INPP4A: variants seen among roughly 807,000 people sequenced by gnomAD.
INPP4A encodes the protein inositol polyphosphate-4-phosphatase, type I, 107kD.
In INPP4A, 33 loss-of-function variants were observed where a neutral mutation model predicts 119.8. The ratio of observed to expected loss-of-function variants is 0.28; its 90% confidence interval spans 0.21 to 0.37. The LOEUF (loss-of-function observed/expected upper bound fraction) is 0.37. Among genes scored for constraint, INPP4A ranks in the 10% least tolerant of loss-of-function variants. The probability of loss-of-function intolerance (pLI) is 1.00; values close to 1 mark genes in which losing one functional copy is unlikely to be tolerated. For synonymous variants in INPP4A, 496 were observed against 500.7 expected (o/e 0.99, Z 0.12); for missense variants, 956 against 1,289.9 (o/e 0.74, Z 3.97).
intron 4 of INPP4A, among the ~76,000 whole-genome samples, chr2:98,529,735 CAAAAT>C (rs1354437014): frequency 6.6e-6 from 1 of 151,520 alleles, no homozygotes. Flanking sequence ...GACTCCATCT[CAAAAT>C]AAAAAACAAA....
At chr2:98,499,214 G>C (rs1682632369) in intron 1 of INPP4A, among the ~76,000 whole-genome samples, 1 of 152,234 alleles carries the variant, frequency 6.6e-6, no homozygotes, top group Non-Finnish European at 1.5e-5. Context: ...CTGTCAGCCT[G>C]CTGTGGAGTC....
intron 1 of INPP4A, among the ~76,000 whole-genome samples, chr2:98,494,612 C>T (rs1486821832): frequency 6.9e-6 from 1 of 145,132 alleles, no homozygotes; most frequent in Admixed American, 6.9e-5. Context: ...AAGTTCAAGC[C>T]TAAGGGTGTT....
chr2:98,582,797 G>A (rs1420378315), intron 24 of INPP4A, among the ~76,000 whole-genome samples: 5 of 147,434 alleles, frequency 3.4e-5, no homozygotes, highest in African/African-American at 5.1e-5. Context: ...ATAACCTACC[G>A]CATAAGTCAG....
At chr2:98,537,301 G>A (rs1297974401) in intron 7 of INPP4A, among the ~76,000 whole-genome samples, 1 of 152,196 alleles carries the variant, frequency 6.6e-6, no homozygotes, top group Non-Finnish European at 1.5e-5. Context: ...GCCACCATCA[G>A]CCACCCTTCG....
At chr2:98,574,256 AC>A (rs147399176) in intron 23 of INPP4A, among the ~76,000 whole-genome samples, 2 of 150,268 alleles carry the variant, frequency 1.3e-5, no homozygotes, top group Admixed American at 1.3e-4. Context: ...GGGTTGCTAA[AC>A]CCCCCTGGCC....
In INPP4A at chr2:98,523,584, C is replaced by T. The variant is rs1331113036; in HGVS notation, c.151+2853C>T. Among the ~76,000 whole-genome samples the T allele has an allele frequency of 2.6e-5, 4 of 151,862 alleles. 1 individual carries two copies. The highest frequency in any genetic ancestry group is 9.7e-5 in the African/African-American group (4 of 41,344). ...TAATTTTTTGTATTTTTAGTAGAGACGGGGTTTCACTGTGTTAGCCAGGAT... is the reference window on the plus strand; with the variant it reads ...TAATTTTTTGTATTTTTAGTAGAGATGGGGTTTCACTGTGTTAGCCAGGAT... On this transcript the variant is annotated intron_variant, in intron 4 of 24. Coordinates refer to ENST00000409851, the MANE Select transcript of INPP4A (RefSeq NM_001134225.2).
chr2:98,476,368 T>C (rs1677199050), intron 1 of INPP4A, among the ~76,000 whole-genome samples: 1 of 152,218 alleles, frequency 6.6e-6, no homozygotes, highest in African/African-American at 2.4e-5. Context: ...AGCTCCACAT[T>C]TGAGCAGTAA....
At chr2:98,563,283 G>C (rs912329424) in intron 17 of INPP4A, among the ~76,000 whole-genome samples, 182 bp from the exon 18 acceptor site, 12 of 152,230 alleles carry the variant, frequency 7.9e-5, no homozygotes, top group African/African-American at 2.9e-4. Flanking sequence ...GCTGGAAAGA[G>C]CTGGGGCTAG....
chr2:98,444,775 G>C (rs1408139532), upstream of INPP4A: 2 of 152,376 alleles, frequency 1.3e-5, no homozygotes, highest in Non-Finnish European at 2.9e-5. Flanking sequence ...GCTGGTAGTG[G>C]GGCGGGGGTC....
chr2:98,482,561 CA>C (rs1678687772), intron 1 of INPP4A, among the ~76,000 whole-genome samples: 1 of 152,230 alleles, frequency 6.6e-6, no homozygotes, highest in Non-Finnish European at 1.5e-5. Context: ...GGCCTCTGTG[CA>C]ATGGCCCCTC....
At chr2:98,575,753 G>A (rs1005591721) in intron 23 of INPP4A, among the ~76,000 whole-genome samples, 1 of 152,150 alleles carries the variant, frequency 6.6e-6, no homozygotes, top group African/African-American at 2.4e-5. Context: ...GAGTTGATGA[G>A]ACACTGATAT....
chr2:98,497,981 CAGGCTCAT>C (rs1682371291), intron 1 of INPP4A, among the ~76,000 whole-genome samples: 1 of 152,218 alleles, frequency 6.6e-6, no homozygotes, highest in Non-Finnish European at 1.5e-5. Context: ...TTTGATTTTA[CAGGCTCAT>C]AGGCAGAAGG....
intron 1 of INPP4A, among the ~76,000 whole-genome samples, chr2:98,454,447 T>C (rs1354979913): frequency 6.6e-6 from 1 of 152,146 alleles, no homozygotes; most frequent in Non-Finnish European, 1.5e-5. Context: ...CCAAGTCAGC[T>C]TTCTCATCTG....
chr2:98,453,839 C>T (rs1293408924), intron 1 of INPP4A, among the ~76,000 whole-genome samples: 4 of 152,170 alleles, frequency 2.6e-5, no homozygotes, highest in African/African-American at 9.7e-5. Flanking sequence ...GTCCTCTGCA[C>T]AGCCACACTG....
At chr2:98,571,515 C>T (rs149710111) in intron 22 of INPP4A, among the ~76,000 whole-genome samples, 4 of 152,308 alleles carry the variant, frequency 2.6e-5, no homozygotes, top group East Asian at 1.9e-4. Flanking sequence ...CTCCAGGGCT[C>T]GGGGAGCTGT....
In INPP4A at chr2:98,537,185, T is replaced by C. The variant is rs551813109; in HGVS notation, c.468-678T>C. Among the ~76,000 whole-genome samples, 33 of 152,346 alleles carry C rather than the reference T, an allele frequency of 2.2e-4. No individual in the cohort carries two copies. In the South Asian group the frequency reaches 4.1e-3, roughly 19 times the overall value. Reference sequence around the variant, plus strand: ...AATCACAAAGGAAATGGTCAGTAGATGGGACCAGACAAAAATTTAGAACCT... The same window carrying C: ...AATCACAAAGGAAATGGTCAGTAGACGGGACCAGACAAAAATTTAGAACCT... On this transcript the variant is annotated intron_variant, in intron 7 of 24. Transcript: ENST00000409851.
intron 1 of INPP4A, among the ~76,000 whole-genome samples, chr2:98,489,361 C>T (rs773559709): frequency 2.0e-5 from 3 of 152,064 alleles, no homozygotes; most frequent in Non-Finnish European, 2.9e-5. Flanking sequence ...GCATCATCTC[C>T]TGGATGGCCT....
At chr2:98,463,473 T>C (rs1674037673) in intron 1 of INPP4A, among the ~76,000 whole-genome samples, 1 of 152,252 alleles carries the variant, frequency 6.6e-6, no homozygotes, top group Non-Finnish European at 1.5e-5. Context: ...GGCAGCACGT[T>C]GCACGTACAT....
intron 1 of INPP4A, among the ~76,000 whole-genome samples, chr2:98,515,007 C>T (rs532671737): frequency 7.2e-5 from 11 of 152,256 alleles, no homozygotes; most frequent in African/African-American, 1.7e-4. Flanking sequence ...CAGAGGTTCC[C>T]GGAGAGTGGC....
Sources: gnomAD v4.1 joint callset for allele counts (sites outside exome capture counted in the v4.1 genomes callset) on GRCh38, gnomAD v4.1.1 for gene constraint, MANE v1.5 for transcripts, NCBI Gene and HGNC (gene_info 2026-07-23, HGNC 2026-07-21) for gene names.